The following CEP120 variants were observed in gnomAD, a reference collection of about 807,000 sequenced individuals.
CEP120 encodes the protein centrosomal protein 120, also known as centrosomal protein of 120 kDa.
CEP120 carries 113 observed loss-of-function variants against 126.5 expected under a neutral mutation model. That is an observed-to-expected ratio of 0.89 (90% CI 0.77 to 1.04). CEP120 has a LOEUF of 1.04. CEP120 is among the 50% of genes least tolerant of loss of function. The probability of loss-of-function intolerance (pLI) is 0.00; values close to 1 mark genes in which losing one functional copy is unlikely to be tolerated. For missense variants in CEP120, 1,230 were observed against 1,155.7 expected, an observed-to-expected ratio of 1.06 and a Z score of -0.93; for synonymous variants, 400 against 394.3, an observed-to-expected ratio of 1.01 and a Z score of -0.17.
chr5:123,422,184 T>C (rs1022408766), intron 1 of CEP120, among the ~76,000 whole-genome samples: 2 of 152,170 alleles, frequency 1.3e-5, no homozygotes, highest in African/African-American at 4.8e-5. Context: ...TCCCTGCTCT[T>C]CTCTTTGCCT....
At chr5:123,402,894 T>C (rs1335310556) in intron 4 of CEP120, among the ~76,000 whole-genome samples, 1 of 152,208 alleles carries the variant, frequency 6.6e-6, no homozygotes, top group Non-Finnish European at 1.5e-5. Flanking sequence ...GGTGCCCTTA[T>C]AAAAAGGCTT....
chr5:123,377,320 T>C (rs1771302534), intron 16 of CEP120, 54 bp downstream of exon 16: 13 of 1,532,272 alleles, frequency 8.5e-6, no homozygotes, highest in Non-Finnish European at 1.2e-5. Context: ...ATTTCTCTTA[T>C]TACTAGAATG....
intron 4 of CEP120, among the ~76,000 whole-genome samples, chr5:123,399,563 A>C (rs1235127799): frequency 6.6e-6 from 1 of 152,232 alleles, no homozygotes; most frequent in Non-Finnish European, 1.5e-5. Flanking sequence ...TTTACAGTGA[A>C]TCTAAACTGG....
rs141877049 is a variant in CEP120, at chr5:123,379,724, A to G, written c.2104-1296T>C. ...CCAGGGTATCAACCTCTCTTACCTT[A>G]TTTCTTGAGGCACACTCTTTCCTCC... is the stretch of plus-strand genomic sequence containing the variant. On this transcript the variant is annotated intron_variant, in intron 14 of 19. Coordinates refer to ENST00000306467, the MANE Select transcript of CEP120 (RefSeq NM_001375405.1). 1.6e-3 allele frequency among the ~76,000 whole-genome samples: 243 copies of G among 151,994 alleles called. 1 individual carries two copies. The highest frequency in any genetic ancestry group is 5.7e-3 in the African/African-American group (237 of 41,524).
intron 10 of CEP120, among the ~76,000 whole-genome samples, chr5:123,385,617 CTG>C (rs1285882556): frequency 1.5e-5 from 2 of 130,718 alleles, no homozygotes; most frequent in Admixed American, 1.6e-4. Flanking sequence ...ACGACTATAC[CTG>C]TTTTTTTTTT....
intron 18 of CEP120, among the ~76,000 whole-genome samples, chr5:123,360,814 C>T (rs1770022794): frequency 6.6e-6 from 1 of 151,806 alleles, no homozygotes; most frequent in Non-Finnish European, 1.5e-5. Context: ...AAGGAGACTA[C>T]TTCAATACCC....
At chr5:123,351,620 G>GT (rs1367069452) in intron 18 of CEP120, among the ~76,000 whole-genome samples, 1 of 152,076 alleles carries the variant, frequency 6.6e-6, no homozygotes, top group African/African-American at 2.4e-5. Context: ...GGCCATAAGT[G>GT]TTTTGATTTT....
At chr5:123,352,138 C>T (rs772921488) in intron 18 of CEP120, among the ~76,000 whole-genome samples, 1 of 151,982 alleles carries the variant, frequency 6.6e-6, no homozygotes, top group Non-Finnish European at 1.5e-5. Context: ...TGGTACTTTA[C>T]TTGGTTGTCC....
rs375242411 is a variant in CEP120 at position 123,365,661 on chromosome 5, CTT to C, written c.2482-1069_2482-1068del. ...ACATTTCACAACTAGACTCAAGCAT[CTT>C]AAGTTGAATAATACTGCTGAGATTA... is the stretch of plus-strand genomic sequence containing the variant. On this transcript the variant is annotated intron_variant, in intron 17 of 19. Transcript: ENST00000306467. Among the ~76,000 whole-genome samples the C allele has an allele frequency of 3.5e-4, 53 of 151,706 alleles. 1 individual carries two copies. The South Asian group carries it at 7.5e-3, about 21-fold the overall frequency.
intron 16 of CEP120, among the ~76,000 whole-genome samples, chr5:123,376,584 G>A (rs997997719): frequency 7.9e-5 from 12 of 152,090 alleles, no homozygotes; most frequent in African/African-American, 2.9e-4. Flanking sequence ...ACAACATGAG[G>A]AGCAGATTAG....
chr5:123,412,297 G>GT, intron 4 of CEP120, 102 bp downstream of exon 4: 1 of 1,105,346 alleles, frequency 9.0e-7, no homozygotes, highest in Non-Finnish European at 1.3e-6. Context: ...CTGATGAACA[G>GT]TTTACACCCT....
intron 17 of CEP120, among the ~76,000 whole-genome samples, chr5:123,365,321 C>A (rs1483231122): frequency 6.6e-6 from 1 of 151,590 alleles, no homozygotes; most frequent in Non-Finnish European, 1.5e-5. Flanking sequence ...GCCAACTTGG[C>A]TATGTTTTGG....
Position 123,349,970 on chromosome 5 carries a change from C to A in CEP120, c.2700G>T (p.Leu900Phe). Reference protein sequence around the residue: ...KDTVKTERQELLDIRNELNRL... With the variant: ...KDTVKTERQEFLDIRNELNRL... The stretch of plus-strand genomic sequence containing the variant: ...TGTTCAATTCATTTCTTATATCCAA[C>A]AATTCTTGTCGCTCGGTTTTTACTG... The change falls in exon 19 of 20, where the codon TTG becomes TTT. Residue 900 changes from leucine (L) to phenylalanine (F), a missense_variant. Physicochemically the swap from Leu to Phe is conservative, Grantham distance 22. Transcript: ENST00000306467. 6.2e-7 allele frequency: 1 copy of A among 1,613,760 alleles called. No homozygotes were observed. The highest frequency in any genetic ancestry group is 1.1e-5 in the South Asian group (1 of 91,030).
At chr5:123,355,187 G>T (rs889650724) in intron 18 of CEP120, among the ~76,000 whole-genome samples, 5 of 152,098 alleles carry the variant, frequency 3.3e-5, no homozygotes, top group Non-Finnish European at 7.3e-5. Flanking sequence ...GTCTATCGTT[G>T]TTGGACATTT....
At chr5:123,353,944 A>G (rs1769383449) in intron 18 of CEP120, among the ~76,000 whole-genome samples, 1 of 151,862 alleles carries the variant, frequency 6.6e-6, no homozygotes, top group Middle Eastern at 3.4e-3. Flanking sequence ...CATTAATTCT[A>G]TTCATCTTAT....
intron 4 of CEP120, chr5:123,401,249 C>T: frequency 6.2e-7 from 1 of 1,611,376 alleles, no homozygotes; most frequent in Non-Finnish European, 8.5e-7. Flanking sequence ...ACGCCATGTC[C>T]TGCTTGGCCC....
chr5:123,408,384 G>GAAA lies in CEP120; in HGVS notation c.463+4012_463+4014dup, dbSNP rs969635749. On this transcript the variant is annotated intron_variant, in intron 4 of 19. Transcript: ENST00000306467. ...ATAAGCCTCCAGCCAGGCTCAATAA[G>GAAA]AAAAAAAAAAAAGAAAGGATACAAA... 3.3e-3 allele frequency among the ~76,000 whole-genome samples: 423 copies of GAAA among 126,734 alleles called. 1 individual carries two copies. Among genetic ancestry groups the GAAA allele is most frequent in the Non-Finnish European group, 4.9e-3 (285 of 58,334 alleles). 83.1% of individuals were successfully genotyped at this position (126,734 alleles called of 152,430 possible).
chr5:123,416,234 G>A (rs148511897), intron 2 of CEP120, 110 bp from the exon 3 acceptor site: 328 of 671,796 alleles, frequency 4.9e-4, no homozygotes, highest in Non-Finnish European at 7.0e-4. Context: ...GGATAAAACT[G>A]TAACTATTTT....
chr5:123,398,993 T>C (rs963863526), intron 5 of CEP120, 143 bp downstream of exon 5: 3 of 544,284 alleles, frequency 5.5e-6, no homozygotes, highest in Non-Finnish European at 9.3e-6. Flanking sequence ...CTTTCCAGTA[T>C]GAAAGAAAAC....
Sources: allele counts gnomAD v4.1 joint callset (sites outside exome capture counted in the v4.1 genomes callset), GRCh38; gene constraint gnomAD v4.1.1; transcripts MANE v1.5; gene names NCBI Gene and HGNC (gene_info 2026-07-23, HGNC 2026-07-21).